The following ZFAND3 variants were observed in gnomAD, a reference collection of about 807,000 sequenced individuals.
ZFAND3 encodes zinc finger AN1-type containing 3.
A neutral mutation model predicts 29.6 loss-of-function variants in ZFAND3; 10 were observed. The observed-to-expected ratio is 0.34, with a 90% CI of 0.21 to 0.57. ZFAND3 has a LOEUF of 0.57. Among genes scored for constraint, ZFAND3 ranks in the 20% least tolerant of loss-of-function variants. The probability of loss-of-function intolerance (pLI) is 0.86; values close to 1 mark genes in which losing one functional copy is unlikely to be tolerated. For missense variants in ZFAND3, 230 were observed against 304.5 expected (o/e 0.76, Z 1.82); for synonymous variants, 128 against 112.6 (o/e 1.14, Z -0.87).
At chr6:37,922,140 A>G (rs1761393382) in intron 1 of ZFAND3, among the ~76,000 whole-genome samples, 1 of 152,172 alleles carries the variant, frequency 6.6e-6, no homozygotes, top group Admixed American at 6.5e-5. Context: ...AGTATGTAGA[A>G]CTTACCTGGA....
chr6:37,911,612 C>G lies in ZFAND3; in HGVS notation c.72-18347C>G, dbSNP rs141875974. ...CATGCTTGGCAGTATGTCTTTTGAT[C>G]TGTTCAAAGCAGTCAACATAGATTT... On this transcript the variant is annotated intron_variant, in intron 1 of 5. Transcript: ENST00000287218. Among the ~76,000 whole-genome samples the G allele has an allele frequency of 2.0e-3, 298 of 152,304 alleles. 1 individual carries two copies. Among genetic ancestry groups the G allele is most frequent in the African/African-American group, 6.8e-3 (284 of 41,560 alleles).
chr6:38,018,945 T>C (rs1763298167), intron 2 of ZFAND3, among the ~76,000 whole-genome samples: 1 of 152,050 alleles, frequency 6.6e-6, no homozygotes, highest in Non-Finnish European at 1.5e-5. Context: ...GAGAAGAAAC[T>C]TTTTATTTTT....
chr6:38,132,636 A>G (rs887741601), intron 5 of ZFAND3, among the ~76,000 whole-genome samples: 3 of 152,222 alleles, frequency 2.0e-5, no homozygotes, highest in Non-Finnish European at 2.9e-5. Context: ...GGTATCTTAG[A>G]AGCCATCCAT....
At chr6:37,926,926 T>C (rs1761496020) in intron 1 of ZFAND3, among the ~76,000 whole-genome samples, 1 of 152,224 alleles carries the variant, frequency 6.6e-6, no homozygotes, top group African/African-American at 2.4e-5. Context: ...TGCCAGTTCT[T>C]TTGGATTCAG....
intron 4 of ZFAND3, among the ~76,000 whole-genome samples, chr6:38,114,050 A>G (rs1376748910): frequency 6.6e-6 from 1 of 152,232 alleles, no homozygotes; most frequent in Non-Finnish European, 1.5e-5. Context: ...GATTTTAATC[A>G]TAGTAATAAT....
chr6:37,820,945 CTG>C (rs1763655882), intron 1 of ZFAND3, among the ~76,000 whole-genome samples: 1 of 152,224 alleles, frequency 6.6e-6, no homozygotes, highest in African/African-American at 2.4e-5. Context: ...TACCACATGA[CTG>C]TAGTTCTGCA....
At chr6:37,909,888 C>T (rs1245532243) in intron 1 of ZFAND3, among the ~76,000 whole-genome samples, 2 of 152,074 alleles carry the variant, frequency 1.3e-5, no homozygotes, top group Admixed American at 6.5e-5. Context: ...GGGAAATGTA[C>T]ATCAGAAGTC....
intron 2 of ZFAND3, chr6:38,003,799 C>G (rs1330261004): frequency 2.2e-6 from 1 of 450,928 alleles, no homozygotes; most frequent in Non-Finnish European, 4.5e-6. Flanking sequence ...AGCTACAGTG[C>G]CTGGCTAGTC....
At chr6:37,831,508 G>C (rs769857898) in intron 1 of ZFAND3, among the ~76,000 whole-genome samples, 4 of 152,190 alleles carry the variant, frequency 2.6e-5, no homozygotes, top group Non-Finnish European at 5.9e-5. Flanking sequence ...GGTCTAGAAG[G>C]GGAGATGGAT....
At chr6:38,129,404 C>T (rs1765700725) in intron 5 of ZFAND3, among the ~76,000 whole-genome samples, 1 of 152,120 alleles carries the variant, frequency 6.6e-6, no homozygotes, top group Non-Finnish European at 1.5e-5. Context: ...TTGCCTAAGC[C>T]AATGTCTAGA....
chr6:37,870,292 C>CAAAAAAAAAA (rs1174577231), intron 1 of ZFAND3, among the ~76,000 whole-genome samples: 2 of 33,488 alleles, frequency 6.0e-5, no homozygotes, highest in Non-Finnish European at 1.0e-4. Flanking sequence ...GAGACTGTCT[C>CAAAAAAAAAA]AAAAAAAAAA....
intron 2 of ZFAND3, among the ~76,000 whole-genome samples, chr6:38,056,634 A>C (rs1205511963): frequency 1.3e-5 from 2 of 152,132 alleles, no homozygotes; most frequent in Non-Finnish European, 2.9e-5. Flanking sequence ...CCAGTATTTT[A>C]AGTGCATTTT....
chr6:38,088,793 T>G (rs148276642), intron 4 of ZFAND3, among the ~76,000 whole-genome samples: 37 of 152,274 alleles, frequency 2.4e-4, no homozygotes, highest in Middle Eastern at 3.4e-3. Context: ...AAAATGTGAT[T>G]ATAATTAGTA....
At chr6:38,036,706 T>G (rs1257915385) in intron 2 of ZFAND3, among the ~76,000 whole-genome samples, 5 of 152,302 alleles carry the variant, frequency 3.3e-5, no homozygotes, top group African/African-American at 9.6e-5. Flanking sequence ...CTTAAGAAAC[T>G]AACTTGACAA....
chr6:38,069,756 G>A (rs1019275148), intron 3 of ZFAND3, among the ~76,000 whole-genome samples: 6 of 152,154 alleles, frequency 3.9e-5, no homozygotes, highest in Admixed American at 3.9e-4. Flanking sequence ...TTTTCTTATA[G>A]AAATTCTTTC....
intron 1 of ZFAND3, among the ~76,000 whole-genome samples, chr6:37,832,057 G>A (rs1373889879): frequency 6.6e-6 from 1 of 152,310 alleles, no homozygotes; most frequent in South Asian, 2.1e-4. Context: ...TGGCAATCTG[G>A]TGAAGTCGTG....
intron 2 of ZFAND3, among the ~76,000 whole-genome samples, chr6:37,983,138 A>G (rs1762607730): frequency 6.6e-6 from 1 of 152,146 alleles, no homozygotes; most frequent in Admixed American, 6.5e-5. Flanking sequence ...GTTTTATAAT[A>G]TAAAAGTTAC....
chr6:38,085,180 G>A (rs59480813), intron 4 of ZFAND3, among the ~76,000 whole-genome samples: 1 of 152,302 alleles, frequency 6.6e-6, no homozygotes, highest in African/African-American at 2.4e-5. Flanking sequence ...TTCAAGTTAG[G>A]ATTCATATCT....
intron 1 of ZFAND3, among the ~76,000 whole-genome samples, chr6:37,858,430 A>C (rs1384978014): frequency 6.6e-6 from 1 of 152,228 alleles, no homozygotes; most frequent in East Asian, 1.9e-4. Flanking sequence ...GGTTAGAATA[A>C]GATTGAAAAC....
Sources: gnomAD v4.1 joint callset for allele counts (sites outside exome capture counted in the v4.1 genomes callset) on GRCh38, gnomAD v4.1.1 for gene constraint, MANE v1.5 for transcripts, NCBI Gene and HGNC (gene_info 2026-07-23, HGNC 2026-07-21) for gene names.